Variants in LYN observed in about 807,000 individuals in gnomAD.
LYN encodes LYN proto-oncogene, Src family tyrosine kinase.
A neutral mutation model predicts 65.0 loss-of-function variants in LYN; 12 were observed. The ratio of observed to expected loss-of-function variants is 0.18; its 90% confidence interval spans 0.12 to 0.30. The LOEUF (loss-of-function observed/expected upper bound fraction) is 0.30, where lower values mean the gene tolerates loss of function less well. Ranked by LOEUF, LYN falls within the 10% of genes least tolerant of loss-of-function variation. The pLI is 1.00. For missense variants in LYN, 380 were observed against 623.2 expected (o/e 0.61, Z 4.16); for synonymous variants, 222 against 221.2 (o/e 1.00, Z -0.03).
rs1191499026 is a variant in LYN at position 55,880,030 on chromosome 8, GC to G, written c.-75del. ...CCCCATACGCAGGTCCTGCTGGGCC[GC>G]CCCGTCGCGCCCCCCACTCTGAACT... On this transcript the variant is annotated 5_prime_UTR_variant, in exon 1 of 13. Coordinates refer to ENST00000519728, the MANE Select transcript of LYN (RefSeq NM_002350.4). The G allele has an allele frequency of 6.6e-6, 2 of 305,026 alleles. No individual in the cohort carries two copies. The highest frequency in any genetic ancestry group is 1.6e-4 in the East Asian group (1 of 6,284). The allele number at this position is 305,026 out of a possible 1,614,324, so 18.9% of individuals were successfully genotyped here.
In LYN at chr8:55,967,798, A is replaced by G. The variant is rs1193495489; in HGVS notation, c.973+901A>G. Among the ~76,000 whole-genome samples, 4 of 152,204 alleles carry G rather than the reference A, an allele frequency of 2.6e-5. No individual in the cohort carries two copies. The East Asian group carries it at 7.7e-4, about 29-fold the overall frequency. On this transcript the variant is annotated intron_variant, in intron 9 of 12. Coordinates refer to ENST00000519728, the MANE Select transcript of LYN (RefSeq NM_002350.4). ...TCTTCTACTGTGATCACCTTCATAT[A>G]CAAGACTTTGAATCAACATCCTTCT...
chr8:55,898,290 A>G (rs776189088), intron 1 of LYN, among the ~76,000 whole-genome samples: 1 of 151,980 alleles, frequency 6.6e-6, no homozygotes, highest in Non-Finnish European at 1.5e-5. Flanking sequence ...CTTTATTTTT[A>G]CTTTTAATTT....
chr8:55,963,377 A>T (rs1807343720), intron 8 of LYN, among the ~76,000 whole-genome samples: 3 of 152,204 alleles, frequency 2.0e-5, no homozygotes. Context: ...GCAGAGCTGT[A>T]CTTAGAGAGA....
chr8:55,998,905 T>C (rs1159811418), intron 11 of LYN, among the ~76,000 whole-genome samples: 1 of 152,244 alleles, frequency 6.6e-6, no homozygotes, highest in African/African-American at 2.4e-5. Context: ...AATTAAAACA[T>C]GAACATTACC....
intron 10 of LYN, among the ~76,000 whole-genome samples, chr8:55,973,227 C>G (rs1807660058): frequency 6.6e-6 from 1 of 152,166 alleles, no homozygotes; most frequent in African/African-American, 2.4e-5. Context: ...CACGTGACAG[C>G]CTCACAGTTC....
At chr8:55,999,388 C>A in intron 11 of LYN, 30 bp from the exon 12 acceptor site, 2 of 1,598,888 alleles carry the variant, frequency 1.3e-6, no homozygotes, top group South Asian at 1.1e-5. Flanking sequence ...TTTAAATACC[C>A]AAGTAAGAAC....
chr8:56,006,146 T>C (rs1282729986), intron 12 of LYN, among the ~76,000 whole-genome samples: 1 of 152,102 alleles, frequency 6.6e-6, no homozygotes, highest in East Asian at 1.9e-4. Flanking sequence ...TTTGTTTATA[T>C]AAAGCAAAAG....
At chr8:56,001,280 A>G (rs1267590866) in intron 12 of LYN, among the ~76,000 whole-genome samples, 1 of 152,200 alleles carries the variant, frequency 6.6e-6, no homozygotes, top group South Asian at 2.1e-4. Flanking sequence ...CACCTAGGCC[A>G]TTTGATCTCT....
At chr8:55,917,582 A>C (rs961857790) in intron 1 of LYN, among the ~76,000 whole-genome samples, 1 of 152,184 alleles carries the variant, frequency 6.6e-6, no homozygotes, top group Non-Finnish European at 1.5e-5. Context: ...ATGAACTGTG[A>C]CAGGGGCTAG....
intron 1 of LYN, among the ~76,000 whole-genome samples, chr8:55,911,731 T>C (rs1352099806): frequency 1.3e-5 from 2 of 151,944 alleles, no homozygotes; most frequent in East Asian, 1.9e-4. Context: ...CGACATGAGA[T>C]TGGGGATAGG....
At chr8:55,953,533 A>T (rs1437663221) in intron 7 of LYN, among the ~76,000 whole-genome samples, 1 of 152,112 alleles carries the variant, frequency 6.6e-6, no homozygotes, top group East Asian at 1.9e-4. Context: ...CTGTAATCCC[A>T]GTTACTTTGG....
At chr8:55,926,329 G>A (rs566765233) in intron 1 of LYN, among the ~76,000 whole-genome samples, 3 of 152,316 alleles carry the variant, frequency 2.0e-5, no homozygotes, top group East Asian at 3.9e-4. Flanking sequence ...GAGAGCAATG[G>A]TTCTGCAGGA....
intron 1 of LYN, among the ~76,000 whole-genome samples, chr8:55,923,042 G>A (rs981979498): frequency 2.0e-5 from 3 of 152,176 alleles, no homozygotes; most frequent in African/African-American, 7.2e-5. Flanking sequence ...GCTTGAGGGA[G>A]GGTGGACCTA....
At chr8:55,886,780 CAT>C (rs1158486909) in intron 1 of LYN, among the ~76,000 whole-genome samples, 1 of 152,162 alleles carries the variant, frequency 6.6e-6, no homozygotes, top group Non-Finnish European at 1.5e-5. Flanking sequence ...TTTCAGGGCA[CAT>C]GTGATAATTT....
intron 4 of LYN, 122 bp from the exon 5 acceptor site, chr8:55,950,336 AT>A: frequency 1.5e-6 from 1 of 661,010 alleles, no homozygotes; most frequent in Non-Finnish European, 2.5e-6. Flanking sequence ...TTTATTTTTA[AT>A]TTTTTAATTG....
chr8:55,887,043 T>C (rs1211293091), intron 1 of LYN, among the ~76,000 whole-genome samples: 2 of 152,082 alleles, frequency 1.3e-5, no homozygotes, highest in Non-Finnish European at 2.9e-5. Context: ...AATAGGGAGG[T>C]TTATTAAACA....
chr8:55,883,650 A>G (rs373437467), intron 1 of LYN, among the ~76,000 whole-genome samples: 5 of 152,194 alleles, frequency 3.3e-5, no homozygotes, highest in Admixed American at 6.5e-5. Flanking sequence ...AACTTTGCCA[A>G]CCTCCTGGTT....
chr8:55,956,023 G>C (rs924097556), intron 8 of LYN, among the ~76,000 whole-genome samples: 1 of 151,916 alleles, frequency 6.6e-6, no homozygotes, highest in Non-Finnish European at 1.5e-5. Context: ...CATTTCTCTT[G>C]TGTATAAACC....
intron 1 of LYN, among the ~76,000 whole-genome samples, chr8:55,892,610 A>G (rs1324474637): frequency 6.6e-6 from 1 of 152,032 alleles, no homozygotes; most frequent in Non-Finnish European, 1.5e-5. Flanking sequence ...TGATACCATC[A>G]TAGTTCATTG....
Sources: allele counts gnomAD v4.1 joint callset (sites outside exome capture counted in the v4.1 genomes callset), GRCh38; gene constraint gnomAD v4.1.1; transcripts MANE v1.5; gene names NCBI Gene and HGNC (gene_info 2026-07-23, HGNC 2026-07-21).